Variants in KRABD5 observed in about 807,000 individuals in gnomAD.
KRABD5 encodes KRAB domain-containing protein 5.
the KRABD5 span, among the ~76,000 whole-genome samples, chr16:31,731,973 C>T: frequency 1.3e-5 from 2 of 152,140 alleles, no homozygotes; most frequent in African/African-American, 2.4e-5. Context: ...ATTCAGGGAG[C>T]ACAGACAAGA....
chr16:31,732,812 G>A, the KRABD5 span, among the ~76,000 whole-genome samples: 2 of 152,098 alleles, frequency 1.3e-5, no homozygotes, highest in African/African-American at 4.8e-5. Flanking sequence ...TGATTGTAAT[G>A]CATTTCCTGT....
the KRABD5 span, among the ~76,000 whole-genome samples, chr16:31,751,152 G>T: frequency 6.6e-6 from 1 of 152,082 alleles, no homozygotes; most frequent in Non-Finnish European, 1.5e-5. Flanking sequence ...AGCTAATTGT[G>T]GTAAATTAAC....
chr16:31,732,229 G>C, the KRABD5 span, among the ~76,000 whole-genome samples: 1 of 152,196 alleles, frequency 6.6e-6, no homozygotes, highest in African/African-American at 2.4e-5. Context: ...TTGTGACCTG[G>C]ATTGCAAAGC....
the KRABD5 span, among the ~76,000 whole-genome samples, chr16:31,739,863 C>T: frequency 3.3e-5 from 5 of 152,174 alleles, no homozygotes; most frequent in Non-Finnish European, 5.9e-5. Context: ...GGTGGAAAGC[C>T]GCTTAAAGGC....
At chr16:31,759,360 A>G in the KRABD5 span, 1 of 1,503,456 alleles carries the variant, frequency 6.7e-7, no homozygotes, top group South Asian at 1.2e-5. Flanking sequence ...ATTCCAGGCA[A>G]AATAATCCTA....
the KRABD5 span, chr16:31,759,558 A>T: frequency 1.1e-5 from 9 of 809,700 alleles, no homozygotes; most frequent in Admixed American, 2.2e-5. Context: ...AAAAAATCTT[A>T]AAAAAATTAA....
chr16:31,735,061 CTTTCTTTTCTCT>C, the KRABD5 span, among the ~76,000 whole-genome samples: 111,424 of 150,876 alleles, frequency 0.74, 41,547 homozygotes, highest in Middle Eastern at 0.79. Flanking sequence ...CCTGCCTGCC[CTTTCTTTTCTCT>C]TTTCTTTTCT....
At chr16:31,755,686 A>G in the KRABD5 span, 1 of 440,674 alleles carries the variant, frequency 2.3e-6, no homozygotes, top group African/African-American at 2.0e-5. Flanking sequence ...CCCTTACTCG[A>G]CATAAAAGTA....
chr16:31,745,318 T>C, the KRABD5 span, among the ~76,000 whole-genome samples: 2 of 152,208 alleles, frequency 1.3e-5, no homozygotes, highest in Non-Finnish European at 2.9e-5. Flanking sequence ...TGGTATGTTG[T>C]CTCTTTGTTC....
the KRABD5 span, among the ~76,000 whole-genome samples, chr16:31,752,857 A>G: frequency 6.6e-6 from 1 of 152,224 alleles, no homozygotes; most frequent in Non-Finnish European, 1.5e-5. Flanking sequence ...GACCTTGTCT[A>G]TAAGACAAAG....
the KRABD5 span, chr16:31,753,734 T>C: frequency 6.9e-7 from 1 of 1,444,770 alleles, no homozygotes; most frequent in Middle Eastern, 1.9e-4. Flanking sequence ...AATTTAGTAA[T>C]TGGAATTTTG....
the KRABD5 span, among the ~76,000 whole-genome samples, chr16:31,717,526 C>G: frequency 2.6e-5 from 4 of 152,142 alleles, no homozygotes; most frequent in African/African-American, 4.8e-5. Context: ...TCCCAATTCC[C>G]AGGTGAATTT....
chr16:31,759,287 C>T, the KRABD5 span: 11 of 1,491,834 alleles, frequency 7.4e-6, no homozygotes, highest in Non-Finnish European at 1.0e-5. Flanking sequence ...GGATAAAATT[C>T]ATAAACCTGC....
chr16:31,751,606 C>A, the KRABD5 span, among the ~76,000 whole-genome samples: 1 of 152,124 alleles, frequency 6.6e-6, no homozygotes, highest in African/African-American at 2.4e-5. Flanking sequence ...CCTGTGGGAT[C>A]GATTGCAATG....
the KRABD5 span, among the ~76,000 whole-genome samples, chr16:31,730,426 T>C: frequency 6.6e-6 from 1 of 152,286 alleles, no homozygotes; most frequent in South Asian, 2.1e-4. Flanking sequence ...CTGATAACAT[T>C]ATAAAGTTTC....
chr16:31,728,763 G>A, the KRABD5 span, among the ~76,000 whole-genome samples: 1 of 152,178 alleles, frequency 6.6e-6, no homozygotes, highest in Non-Finnish European at 1.5e-5. Context: ...TTAGAAGACT[G>A]TATTCTCATA....
At chr16:31,728,209 A>G in the KRABD5 span, among the ~76,000 whole-genome samples, 3 of 152,222 alleles carry the variant, frequency 2.0e-5, 1 homozygote, top group South Asian at 4.1e-4. Context: ...AATCTGGCCA[A>G]AAGTTTCTCA....
chr16:31,721,610 A>G, the KRABD5 span, among the ~76,000 whole-genome samples: 17 of 152,186 alleles, frequency 1.1e-4, no homozygotes, highest in Non-Finnish European at 2.1e-4. Context: ...ATTATTTCTC[A>G]TATAGATTTT....
chr16:31,713,561 T>TAG, the KRABD5 span: 1 of 1,360,748 alleles, frequency 7.3e-7, no homozygotes, highest in Non-Finnish European at 9.8e-7. Context: ...CGGCCCTTGG[T>TAG]CCCCTCCGCC....
Sources: gnomAD v4.1 joint callset for allele counts (sites outside exome capture counted in the v4.1 genomes callset) on GRCh38, gnomAD v4.1.1 for gene constraint, MANE v1.5 for transcripts, NCBI Gene and HGNC (gene_info 2026-07-23, HGNC 2026-07-21) for gene names.